DAB1: variants seen among roughly 807,000 people sequenced by gnomAD.
The protein encoded by DAB1 is disabled homolog 1.
In DAB1, 15 loss-of-function variants were observed where a neutral mutation model predicts 64.6. The observed-to-expected ratio is 0.23, with a 90% CI of 0.16 to 0.36. The LOEUF is 0.36. Among genes scored for constraint, DAB1 ranks in the 10% least tolerant of loss-of-function variants. The pLI, the probability that DAB1 is intolerant of heterozygous loss-of-function variation, is 1.00. For synonymous variants in DAB1, 235 were observed against 251.9 expected (o/e 0.93, Z 0.64); for missense variants, 596 against 706.7 (o/e 0.84, Z 1.78).
At chr1:57,982,381 T>C (rs1372157891) in intron 5 of DAB1, among the ~76,000 whole-genome samples, 1 of 152,204 alleles carries the variant, frequency 6.6e-6, no homozygotes, top group African/African-American at 2.4e-5. Context: ...TTGACATTAA[T>C]AGTATAATAG....
intron 3 of DAB1, among the ~76,000 whole-genome samples, chr1:58,435,454 G>A (rs565273123): frequency 1.3e-5 from 2 of 152,204 alleles, no homozygotes; most frequent in African/African-American, 4.8e-5. Context: ...CATTTTAACA[G>A]AGAAGCGGTA....
chr1:57,521,945 A>G (rs1644532090), intron 7 of DAB1, among the ~76,000 whole-genome samples: 1 of 152,152 alleles, frequency 6.6e-6, no homozygotes, highest in Admixed American at 6.5e-5. Flanking sequence ...CCCCGTCTCT[A>G]GTAAAAATAT....
At chr1:57,510,305 G>A (rs1488768754) in intron 7 of DAB1, among the ~76,000 whole-genome samples, 1 of 152,062 alleles carries the variant, frequency 6.6e-6, no homozygotes, top group Admixed American at 6.5e-5. Flanking sequence ...CCTTCTTGGA[G>A]TGCTCTCTTC....
At chr1:57,553,057 A>T (rs1263866646) in intron 7 of DAB1, among the ~76,000 whole-genome samples, 1 of 151,968 alleles carries the variant, frequency 6.6e-6, no homozygotes, top group African/African-American at 2.4e-5. Flanking sequence ...ATTGTGACAG[A>T]GATGACAGAA....
intron 3 of DAB1, among the ~76,000 whole-genome samples, chr1:58,434,695 GA>G (rs1304881759): frequency 6.6e-6 from 1 of 152,196 alleles, no homozygotes; most frequent in Non-Finnish European, 1.5e-5. Context: ...TATAGGTGGA[GA>G]AAAGAACCAA....
At chr1:58,488,188 C>A (rs766461183) in intron 3 of DAB1, among the ~76,000 whole-genome samples, 18 of 152,048 alleles carry the variant, frequency 1.2e-4, no homozygotes, top group Non-Finnish European at 2.6e-4. Flanking sequence ...AAGCCATCCT[C>A]TTATTGTTTA....
intron 7 of DAB1, among the ~76,000 whole-genome samples, chr1:57,528,823 A>G (rs1033247372): frequency 6.6e-6 from 1 of 152,150 alleles, no homozygotes; most frequent in African/African-American, 2.4e-5. Context: ...TTCAGTAAAA[A>G]TATTTTTCAA....
chr1:57,659,082 A>G (rs549352617), intron 6 of DAB1, among the ~76,000 whole-genome samples: 2 of 152,254 alleles, frequency 1.3e-5, no homozygotes, highest in Non-Finnish European at 2.9e-5. Flanking sequence ...CTTTTGCCCC[A>G]TGACCTGATA....
intron 6 of DAB1, among the ~76,000 whole-genome samples, chr1:57,721,086 C>T (rs1357728239): frequency 3.9e-5 from 6 of 152,198 alleles, no homozygotes; most frequent in Admixed American, 3.9e-4. Flanking sequence ...CCTCCCTTGG[C>T]TCTTGATTTC....
intron 4 of DAB1, among the ~76,000 whole-genome samples, chr1:57,074,975 T>C (rs1340348317): frequency 6.6e-6 from 1 of 152,192 alleles, no homozygotes; most frequent in Admixed American, 6.5e-5. Context: ...CATGGGGGCA[T>C]TGATTTATAG....
chr1:57,062,757 T>A, intron 9 of DAB1, 127 bp downstream of exon 9: 1 of 760,064 alleles, frequency 1.3e-6, no homozygotes, highest in Non-Finnish European at 2.2e-6. Flanking sequence ...CAGCATGCAG[T>A]CCCCAGCAGA....
chr1:57,580,751 G>C (rs1264079523), intron 7 of DAB1, among the ~76,000 whole-genome samples: 2 of 152,150 alleles, frequency 1.3e-5, no homozygotes, highest in Non-Finnish European at 1.5e-5. Context: ...TCAAGCATCA[G>C]ATCAGTGCTT....
chr1:57,833,406 T>C (rs1444783813), intron 1 of DAB1, among the ~76,000 whole-genome samples: 1 of 152,218 alleles, frequency 6.6e-6, no homozygotes, highest in African/African-American at 2.4e-5. Flanking sequence ...TAAAGGAATC[T>C]TCCCTATAAA....
At chr1:57,707,794 C>A (rs1296851164) in intron 6 of DAB1, among the ~76,000 whole-genome samples, 1 of 152,146 alleles carries the variant, frequency 6.6e-6, no homozygotes, top group African/African-American at 2.4e-5. Context: ...AGGGTTGTGA[C>A]CTAAGCCTGA....
At chr1:58,394,869 T>C (rs570846295) in intron 3 of DAB1, among the ~76,000 whole-genome samples, 1 of 152,316 alleles carries the variant, frequency 6.6e-6, no homozygotes, top group African/African-American at 2.4e-5. Context: ...CATTGAGTTG[T>C]ATATAAAATT....
At chr1:58,142,795 T>G (rs1654361736) in intron 5 of DAB1, among the ~76,000 whole-genome samples, 1 of 152,252 alleles carries the variant, frequency 6.6e-6, no homozygotes, top group South Asian at 2.1e-4. Context: ...CACCACACTG[T>G]GCATTAATTG....
chr1:58,472,913 G>A (rs1195672119), intron 3 of DAB1, among the ~76,000 whole-genome samples: 1 of 152,276 alleles, frequency 6.6e-6, no homozygotes, highest in South Asian at 2.1e-4. Context: ...GAGGGAAAGA[G>A]GAGCAGCCAG....
intron 1 of DAB1, among the ~76,000 whole-genome samples, chr1:57,418,637 C>T (rs1684673789): frequency 1.3e-5 from 2 of 152,108 alleles, no homozygotes; most frequent in South Asian, 4.2e-4. Context: ...ACAAAATTTT[C>T]GTCATTTTAG....
chr1:57,248,644 G>C (rs536135111), intron 2 of DAB1, among the ~76,000 whole-genome samples: 2 of 152,138 alleles, frequency 1.3e-5, no homozygotes, highest in Non-Finnish European at 2.9e-5. Flanking sequence ...ATTTCCTGCC[G>C]TGTAATTCTC....
Sources: gnomAD v4.1 joint callset for allele counts (sites outside exome capture counted in the v4.1 genomes callset) on GRCh38, gnomAD v4.1.1 for gene constraint, MANE v1.5 for transcripts, NCBI Gene and HGNC (gene_info 2026-07-23, HGNC 2026-07-21) for gene names.